IRX1: variants seen among roughly 807,000 people sequenced by gnomAD.
IRX1 encodes the protein iroquois-class homeodomain protein IRX-1.
IRX1 carries 22 observed loss-of-function variants against 34.1 expected under a neutral mutation model. The observed-to-expected ratio is 0.64, with a 90% CI of 0.46 to 0.92. The LOEUF is 0.92. IRX1 is among the 40% of genes least tolerant of loss of function. The probability of loss-of-function intolerance (pLI) is 0.00; values close to 1 mark genes in which losing one functional copy is unlikely to be tolerated. For missense variants in IRX1, 758 were observed against 680.0 expected (o/e 1.11, Z -1.28); for synonymous variants, 363 against 319.0 (o/e 1.14, Z -1.47).
In IRX1 at chr5:3,600,036, T is replaced by C; in HGVS notation, c.1088T>C (p.Leu363Pro). ...QHPAFLPSHG[L>P]YTCHIGKFSN... ...CCCGCCTTCCTGCCTAGCCACGGAC[T>C]GTACACCTGCCACATCGGCAAGTTC... The change falls in exon 2 of 4, where the codon CTG becomes CCG. Residue 363 changes from leucine (L) to proline (P), a missense_variant. Leu to Pro is a moderately conservative substitution (Grantham distance 98). This residue lies in a region of IRX1 where 529 missense variants were observed against 418.8 expected (regional missense o/e 1.26). Coordinates refer to ENST00000302006, the MANE Select transcript of IRX1 (RefSeq NM_024337.4). 6.3e-7 allele frequency: 1 copy of C among 1,593,460 alleles called. No homozygotes were observed. Among genetic ancestry groups the C allele is most frequent in the Non-Finnish European group, 8.6e-7 (1 of 1,168,650 alleles).
intron 1 of IRX1, 30 bp downstream of exon 1, chr5:3,596,411 C>T: frequency 6.8e-7 from 1 of 1,471,994 alleles, no homozygotes. Flanking sequence ...CCCGCTTCTC[C>T]TCTGTCTCAC....
intron 2 of IRX1, 128 bp from the exon 3 acceptor site, chr5:3,600,481 G>C: frequency 2.1e-6 from 2 of 932,254 alleles, no homozygotes; most frequent in Non-Finnish European, 1.6e-6. Context: ...ACGGGGTGGT[G>C]GTGGGGTGAG....
At chr5:3,597,527 G>T (rs1358154812) in intron 1 of IRX1, among the ~76,000 whole-genome samples, 6 of 152,214 alleles carry the variant, frequency 3.9e-5, no homozygotes, top group Admixed American at 2.0e-4. Context: ...CGGCCCGGCT[G>T]CCTTTCAGGT....
In IRX1 at chr5:3,599,708, G is replaced by C. The variant is rs1733905237; in HGVS notation, c.760G>C (p.Ala254Pro). Residue 254 changes from alanine (A) to proline (P), a missense_variant, in exon 2 of 4, where the codon GCG becomes CCG. Transcript: ENST00000302006. The surrounding 1 kb of genome is among the most constrained non-coding windows in gnomAD (Gnocchi z 6.6). The stretch of plus-strand genomic sequence containing the variant: ...CGAGGACAAGGCCGAGGCTCCGCAC[G>C]CGCCCGCAGCCCCTTCTGCTCTTGC... ...DDEDKAEAPH[A>P]PAAPSALARD... The C allele has an allele frequency of 6.2e-7, 1 of 1,612,660 alleles. No individual in the cohort carries two copies. The highest frequency in any genetic ancestry group is 8.5e-7 in the Non-Finnish European group (1 of 1,179,960).
chr5:3,600,388 G>T (rs1269831943), intron 2 of IRX1, 128 bp downstream of exon 2: 2 of 1,010,920 alleles, frequency 2.0e-6, no homozygotes, highest in Non-Finnish European at 2.8e-6. Context: ...CTGGGGCTGC[G>T]CTTAATCCCT....
In IRX1 at chr5:3,600,027, G is replaced by T; in HGVS notation, c.1079G>T (p.Ser360Ile). ...CTGCAACACCCCGCCTTCCTGCCTA[G>T]CCACGGACTGTACACCTGCCACATC... ...APLQHPAFLP[S>I]HGLYTCHIGK... The change falls in exon 2 of 4, where the codon AGC becomes ATC. Residue 360 changes from serine to isoleucine, a missense_variant. Ser to Ile is a moderately radical substitution (Grantham distance 142, BLOSUM62 -2). Coordinates refer to ENST00000302006, the MANE Select transcript of IRX1 (RefSeq NM_024337.4). The T allele has an allele frequency of 6.3e-7, 1 of 1,575,838 alleles. No homozygotes were observed. The highest frequency in any genetic ancestry group is 2.3e-5 in the East Asian group (1 of 43,350).
rs758921739 is a variant in IRX1 at position 3,596,079 on chromosome 5, G to A, written c.-27G>A. ...CTCCCCGCGCCTTTAATACTCGCCC[G>A]CTGCGGCGGTCGCCGAGTCCGCGGA... On this transcript the variant is annotated 5_prime_UTR_variant, in exon 1 of 4. Coordinates refer to ENST00000302006, the MANE Select transcript of IRX1 (RefSeq NM_024337.4). The A allele has an allele frequency of 4.6e-5, 49 of 1,062,086 alleles. No individual in the cohort carries two copies. In the African/African-American group the frequency reaches 7.7e-4, roughly 17 times the overall value. 65.8% of individuals were successfully genotyped at this position (1,062,086 alleles called of 1,614,324 possible).
Position 3,600,248 on chromosome 5 carries a change from C to T in IRX1, c.1300C>T (p.Pro434Ser). The T allele has an allele frequency of 1.9e-6, 3 of 1,593,206 alleles. No homozygotes were observed. The highest frequency in any genetic ancestry group is 2.6e-6 in the Non-Finnish European group (3 of 1,172,914). Residue 434 changes from proline to serine, a missense_variant, in exon 2 of 4, where the codon CCC becomes TCC. Physicochemically the swap from Pro to Ser is moderately conservative, Grantham distance 74. Coordinates refer to ENST00000302006, the MANE Select transcript of IRX1 (RefSeq NM_024337.4). The stretch of plus-strand genomic sequence containing the variant: ...AGACAAGGCCTCGGTCCGCAGCAGC[C>T]CCACGCTCCCAGGTACAGCTCCAGG... ...NGDKASVRSS[P>S]TLPERDLVPR...
At position 3,596,314 on chromosome 5, in the gene IRX1, A is replaced by G; in HGVS notation, c.209A>G (p.Tyr70Cys). ...VLGMYAAAGP[Y>C]AGAPNYSAFL... ...GGCATGTACGCGGCGGCGGGGCCGT[A>G]CGCGGGCGCGCCCAACTACAGCGCC... The change falls in exon 1 of 4, where the codon TAC (tyrosine) becomes TGC (cysteine). Residue 70 changes from tyrosine to cysteine, a missense_variant. Tyr to Cys is a radical substitution (Grantham distance 194). Transcript: ENST00000302006. 1.3e-6 allele frequency: 2 copies of G among 1,490,030 alleles called. No individual in the cohort carries two copies. Among genetic ancestry groups the G allele is most frequent in the Non-Finnish European group, 1.8e-6 (2 of 1,123,194 alleles). The allele number at this position is 1,490,030 out of a possible 1,614,324, so 92.3% of individuals were successfully genotyped here. A position where few individuals can be genotyped will look rare whatever the true frequency, so the allele number is the denominator to read the frequency against.
In IRX1 at chr5:3,600,057, A is replaced by G. The variant is rs750301169; in HGVS notation, c.1109A>G (p.Lys370Arg). 4.4e-6 allele frequency: 7 copies of G among 1,606,466 alleles called. No individual in the cohort carries two copies. In the East Asian group the frequency reaches 6.7e-5, roughly 15 times the overall value. ...GGACTGTACACCTGCCACATCGGCA[A>G]GTTCTCCAACTGGACCAACAGCGCA... ...SHGLYTCHIG[K>R]FSNWTNSAFL... Residue 370 changes from lysine (K) to arginine (R), a missense_variant, in exon 2 of 4, where the codon AAG becomes AGG. This residue lies in a region of IRX1 where 529 missense variants were observed against 418.8 expected (regional missense o/e 1.26). Coordinates refer to ENST00000302006, the MANE Select transcript of IRX1 (RefSeq NM_024337.4).
Position 3,596,010 on chromosome 5 carries a change from C to T in IRX1, c.-96C>T. ...CGGCCGCCCGCTCCTCCCTAGACCC[C>T]TCGCGGCGCCCCCTGCAACCCCCTC... On this transcript the variant is annotated 5_prime_UTR_variant, in exon 1 of 4. Transcript: ENST00000302006. 9.6e-6 allele frequency: 8 copies of T among 829,702 alleles called. No individual in the cohort carries two copies. Among genetic ancestry groups the T allele is most frequent in the African/African-American group, 1.9e-5 (1 of 53,970 alleles). 51.4% of individuals were successfully genotyped at this position (829,702 alleles called of 1,614,324 possible).
At chr5:3,598,676 G>T (rs1733861593) in intron 1 of IRX1, among the ~76,000 whole-genome samples, 1 of 152,242 alleles carries the variant, frequency 6.6e-6, no homozygotes, top group Non-Finnish European at 1.5e-5. Context: ...ATTGCTGGCG[G>T]ATTTAGACCG....
chr5:3,596,282 G>T lies in IRX1; in HGVS notation c.177G>T (p.Ser59=). 1 of 1,328,720 alleles carries T rather than the reference G, an allele frequency of 7.5e-7. No individual in the cohort carries two copies. Among genetic ancestry groups the T allele is most frequent in the East Asian group, 2.9e-5 (1 of 33,996 alleles). The allele number at this position is 1,328,720 out of a possible 1,614,324, so 82.3% of individuals were successfully genotyped here. A position where few individuals can be genotyped will look rare whatever the true frequency, so the allele number is the denominator to read the frequency against. ...GGGCAGGCGCGGCTGCAGTCACCTC[G>T]GTGCTGGGCATGTACGCGGCGGCGG... ...GGGAGAAAVT[S]VLGMYAAAGP... is the part of the protein sequence containing the mutation. The change falls in exon 1 of 4, where the codon TCG becomes TCT. Residue 59 remains serine, a synonymous_variant. Coordinates refer to ENST00000302006, the MANE Select transcript of IRX1 (RefSeq NM_024337.4).
intron 1 of IRX1, among the ~76,000 whole-genome samples, chr5:3,597,208 G>C (rs1002762668): frequency 6.6e-6 from 1 of 152,212 alleles, no homozygotes; most frequent in Non-Finnish European, 1.5e-5. Context: ...GTTAGATGTC[G>C]GGGCAGGCGG....
chr5:3,599,869 G>T lies in IRX1; in HGVS notation c.921G>T (p.Gln307His). 6.6e-7 allele frequency: 1 copy of T among 1,509,384 alleles called. No homozygotes were observed. The highest frequency in any genetic ancestry group is 2.4e-5 in the East Asian group (1 of 40,900). 93.5% of individuals were successfully genotyped at this position (1,509,384 alleles called of 1,614,324 possible). The change falls in exon 2 of 4, where the codon CAG becomes CAT. Residue 307 changes from glutamine to histidine, a missense_variant. Physicochemically the swap from Gln to His is conservative, Grantham distance 24. This residue lies in a region of IRX1 where 529 missense variants were observed against 418.8 expected (regional missense o/e 1.26). Coordinates refer to ENST00000302006, the MANE Select transcript of IRX1 (RefSeq NM_024337.4). The surrounding 1 kb of genome is among the most constrained non-coding windows in gnomAD (Gnocchi z 6.6). ...LSPGAAAGGL[Q>H]GAPHGKPKIW... ...CCGGCGCTGCAGCGGGCGGCCTGCA[G>T]GGTGCGCCGCACGGCAAGCCCAAGA...
Position 3,596,145 on chromosome 5 carries a change from G to C in IRX1, c.40G>C (p.Ala14Pro), listed in dbSNP as rs777620479. ...PQLGYPQYLS[A>P]AGPGAYGGER... ...GCTGGGCTACCCGCAGTACCTGAGC[G>C]CCGCGGGGCCGGGCGCCTACGGCGG... is the stretch of plus-strand genomic sequence containing the variant. Residue 14 changes from alanine to proline, a missense_variant, in exon 1 of 4, where the codon GCC becomes CCC. Physicochemically the swap from Ala to Pro is conservative, Grantham distance 27. Coordinates refer to ENST00000302006, the MANE Select transcript of IRX1 (RefSeq NM_024337.4). 4.5e-5 allele frequency: 47 copies of C among 1,040,520 alleles called. No individual in the cohort carries two copies. In the African/African-American group the frequency reaches 8.1e-4, roughly 18 times the overall value. The allele number at this position is 1,040,520 out of a possible 1,614,324, so 64.5% of individuals were successfully genotyped here. A position where few individuals can be genotyped will look rare whatever the true frequency, so the allele number is the denominator to read the frequency against.
Position 3,601,180 on chromosome 5 carries a change from C to T in IRX1, c.*140C>T, listed in dbSNP as rs957238452. The T allele has an allele frequency of 3.7e-5, 31 of 835,208 alleles. 1 individual carries two copies. In the South Asian group the frequency reaches 4.9e-4, roughly 13 times the overall value. The allele number at this position is 835,208 out of a possible 1,614,324, so 51.7% of individuals were successfully genotyped here. ...CGACGTCAAGGACTCGCATCCGTCGCTTTCTGCAGAAAGGGGCTTCTTCGG... is the reference window on the plus strand; with the variant it reads ...CGACGTCAAGGACTCGCATCCGTCGTTTTCTGCAGAAAGGGGCTTCTTCGG... On this transcript the variant is annotated 3_prime_UTR_variant, in exon 4 of 4. Coordinates refer to ENST00000302006, the MANE Select transcript of IRX1 (RefSeq NM_024337.4).
In IRX1 at chr5:3,600,100, C is replaced by T. The variant is rs770187639; in HGVS notation, c.1152C>T (p.Ser384=). ...ACAGCGCATTCCTCGCACAGGGCTC[C>T]CTGCTCAACATGCGCTCCTTCCTGG... The part of the protein sequence containing the change: ...WTNSAFLAQG[S]LLNMRSFLGV... The change falls in exon 2 of 4, where the codon TCC becomes TCT. Residue 384 remains serine, a synonymous_variant. Transcript: ENST00000302006. The T allele has an allele frequency of 3.7e-6, 6 of 1,613,338 alleles. No individual in the cohort carries two copies. Among genetic ancestry groups the T allele is most frequent in the Non-Finnish European group, 5.1e-6 (6 of 1,179,884 alleles).
In IRX1 at chr5:3,599,898, G is replaced by T; in HGVS notation, c.950G>T (p.Trp317Leu). 3 of 1,479,188 alleles carry T rather than the reference G, an allele frequency of 2.0e-6. No homozygotes were observed. The highest frequency in any genetic ancestry group is 2.7e-6 in the Non-Finnish European group (3 of 1,116,032). The allele number at this position is 1,479,188 out of a possible 1,614,324, so 91.6% of individuals were successfully genotyped here. Residue 317 changes from tryptophan (W) to leucine (L), a missense_variant, in exon 2 of 4, where the codon TGG becomes TTG. Coordinates refer to ENST00000302006, the MANE Select transcript of IRX1 (RefSeq NM_024337.4). The surrounding 1 kb of genome is among the most constrained non-coding windows in gnomAD (Gnocchi z 6.6). ...QGAPHGKPKI[W>L]SLAETATSPD... ...GCGCCGCACGGCAAGCCCAAGATCT[G>T]GTCGCTGGCGGAGACAGCCACGAGC...
Sources: allele counts gnomAD v4.1 joint callset (sites outside exome capture counted in the v4.1 genomes callset), GRCh38; gene constraint gnomAD v4.1.1; regional missense constraint gnomAD v4.1.1; non-coding constraint Gnocchi (gnomAD v3.1); transcripts MANE v1.5; gene names NCBI Gene and HGNC (gene_info 2026-07-23, HGNC 2026-07-21).